MAP7D2: variants seen among roughly 807,000 people sequenced by gnomAD.
MAP7D2 encodes MAP7 domain-containing protein 2.
Under a neutral mutation model 63.5 loss-of-function variants are expected in MAP7D2, and 33 were observed. That is an observed-to-expected ratio of 0.52 (90% CI 0.39 to 0.70). The LOEUF is 0.70. Among genes scored for constraint, MAP7D2 ranks in the 30% least tolerant of loss-of-function variants. The pLI is 0.00. For missense variants in MAP7D2, 626 were observed against 604.0 expected, an observed-to-expected ratio of 1.04 and a Z score of -0.38; for synonymous variants, 224 against 223.7, an observed-to-expected ratio of 1.00 and a Z score of -0.01.
At chrX:20,081,580 C>T (rs1254296616) in intron 1 of MAP7D2, among the ~76,000 whole-genome samples, 1 of 111,731 alleles carries the variant, frequency 9.0e-6, no homozygotes, top group African/African-American at 3.3e-5. Flanking sequence ...CCCTTCAGAC[C>T]CCTTCCCTGA....
intron 1 of MAP7D2, among the ~76,000 whole-genome samples, chrX:20,111,055 C>T (rs1016985777): frequency 1.8e-5 from 2 of 111,572 alleles, no homozygotes; most frequent in Non-Finnish European, 3.8e-5. Flanking sequence ...ACAGCAGCCA[C>T]GCTGTTAGAA....
At chrX:20,031,773 A>G (rs1232258959) in intron 8 of MAP7D2, among the ~76,000 whole-genome samples, 1 of 111,863 alleles carries the variant, frequency 8.9e-6, no homozygotes, top group Admixed American at 9.5e-5. Flanking sequence ...TCTCAAAAAA[A>G]CCCAGAATCT....
chrX:20,013,639 A>G lies in MAP7D2; in HGVS notation c.1750-14T>C, dbSNP rs1354133815. On this transcript the variant is annotated splice_polypyrimidine_tract_variant and intron_variant, in intron 12 of 16. Transcript: ENST00000379643. ...TTCATCTATTCTCTAAAAACAAAAA[A>G]CAAAAAACAAAATCAAGTAAGAGGA... is the stretch of plus-strand genomic sequence containing the variant. The G allele has an allele frequency of 1.8e-6, 2 of 1,129,128 alleles. No homozygotes were observed. Among genetic ancestry groups the G allele is most frequent in the Non-Finnish European group, 2.4e-6 (2 of 829,514 alleles). 93.1% of individuals were successfully genotyped at this position (1,129,128 alleles called of 1,213,427 possible).
At position 20,006,950 on chromosome X, in the gene MAP7D2, G is replaced by A. The variant is rs1603344540; in HGVS notation, c.*1475C>T. The A allele has an allele frequency of 8.9e-6, 1 of 112,323 alleles. No homozygotes were observed. Among genetic ancestry groups the A allele is most frequent in the Non-Finnish European group, 1.9e-5 (1 of 53,308 alleles). The allele number at this position is 112,323 out of a possible 1,213,427, so 9.3% of individuals were successfully genotyped here. ...GCATCACCATGGTCACAATGGTGCT[G>A]TGAGGTACAACAAATCACAAGAAAA... On this transcript the variant is annotated 3_prime_UTR_variant, in exon 17 of 17. Transcript: ENST00000379643.
chrX:20,016,237 G>T lies in MAP7D2; in HGVS notation c.1501C>A (p.Arg501=), dbSNP rs757262581. Residue 501 remains arginine, a synonymous_variant, in exon 11 of 17, where the codon CGG becomes AGG. Coordinates refer to ENST00000379643, the MANE Select transcript of MAP7D2 (RefSeq NM_001168465.2). ...TGTTTTTTCTTTTCCTCTTCCTGCC[G>T]CTTCCTTTCTTCTTCCTGCTTTCGG... ...EARKQEEERK[R]QEEEKKKQEG... is the part of the protein sequence containing the mutation. The T allele has an allele frequency of 8.3e-7, 1 of 1,204,929 alleles. No homozygotes were observed. The highest frequency in any genetic ancestry group is 1.1e-6 in the Non-Finnish European group (1 of 893,057).
chrX:20,020,530 A>G (rs1184811763), intron 10 of MAP7D2, among the ~76,000 whole-genome samples: 1 of 112,014 alleles, frequency 8.9e-6, no homozygotes, highest in Non-Finnish European at 1.9e-5. Flanking sequence ...TGTCTTATCA[A>G]AAGTCCTGCC....
chrX:20,087,498 A>G (rs1354416423), intron 1 of MAP7D2, among the ~76,000 whole-genome samples: 2 of 112,093 alleles, frequency 1.8e-5, no homozygotes, highest in Admixed American at 9.5e-5. Context: ...TGCTTCTTGC[A>G]GTCTGCAGAA....
In MAP7D2 at chrX:20,013,139, A is replaced by G; in HGVS notation, c.1807-7T>C. 1 of 1,187,513 alleles carries G rather than the reference A, an allele frequency of 8.4e-7. No homozygotes were observed. Among genetic ancestry groups the G allele is most frequent in the Non-Finnish European group, 1.1e-6 (1 of 875,205 alleles). On this transcript the variant is annotated splice_region_variant and splice_polypyrimidine_tract_variant and intron_variant, in intron 13 of 16. Transcript: ENST00000379643. The stretch of plus-strand genomic sequence containing the variant: ...CCACTTTGGGGTCTTCTTTCTGAAA[A>G]CAAATGGAAGGTGAATGAAATGAGG...
At chrX:20,019,043 T>C (rs1032337777) in intron 10 of MAP7D2, among the ~76,000 whole-genome samples, 10 of 109,758 alleles carry the variant, frequency 9.1e-5, no homozygotes, top group African/African-American at 3.0e-4. Context: ...TTTTTCTTTG[T>C]AGAGGCAGGG....
chrX:20,017,395 G>A, intron 10 of MAP7D2, among the ~76,000 whole-genome samples: 1 of 112,218 alleles, frequency 8.9e-6, no homozygotes, highest in Middle Eastern at 4.6e-3. Context: ...TCATTTGGAA[G>A]CATGTGCCAA....
chrX:20,008,052 T>C lies in MAP7D2; in HGVS notation c.*373A>G, dbSNP rs1315609432. ...TATTTTACAGGAAAAGACATCTAAA[T>C]GTTTATGTGCTCCAACTTTGGGAAT... On this transcript the variant is annotated 3_prime_UTR_variant, in exon 17 of 17. Coordinates refer to ENST00000379643, the MANE Select transcript of MAP7D2 (RefSeq NM_001168465.2). 1 of 112,195 alleles carries C rather than the reference T, an allele frequency of 8.9e-6. No individual in the cohort carries two copies. Among genetic ancestry groups the C allele is most frequent in the Admixed American group, 9.5e-5 (1 of 10,535 alleles). The allele number at this position is 112,195 out of a possible 1,213,427, so 9.2% of individuals were successfully genotyped here.
At chrX:20,099,350 C>G (rs987634406) in intron 1 of MAP7D2, among the ~76,000 whole-genome samples, 3 of 110,616 alleles carry the variant, frequency 2.7e-5, no homozygotes, top group African/African-American at 9.9e-5. Flanking sequence ...AGCCTAGAAA[C>G]CTTACAGCCC....
At chrX:20,023,162 G>A (rs765579924) in intron 10 of MAP7D2, among the ~76,000 whole-genome samples, 2 of 112,512 alleles carry the variant, frequency 1.8e-5, no homozygotes, top group Non-Finnish European at 3.8e-5. Context: ...CTTCAGAAAC[G>A]GACAATAAAA....
chrX:20,076,535 G>A (rs1226347961), intron 1 of MAP7D2, among the ~76,000 whole-genome samples: 3 of 110,039 alleles, frequency 2.7e-5, no homozygotes, highest in East Asian at 2.8e-4. Context: ...ACAAAACCCC[G>A]TCTCTACTAA....
In MAP7D2 at chrX:20,013,123, G is replaced by A; in HGVS notation, c.1816C>T (p.Pro606Ser). 8.3e-7 allele frequency: 1 copy of A among 1,205,051 alleles called. No homozygotes were observed. The highest frequency in any genetic ancestry group is 1.8e-5 in the South Asian group (1 of 55,988). The change falls in exon 14 of 17, where the codon CCC becomes TCC. Residue 606 changes from proline to serine, a missense_variant. By Grantham distance (74) the Pro-to-Ser change is moderately conservative (BLOSUM62 -1). Transcript: ENST00000379643. ...DVSPQVKKED[P>S]KVGVQPAVCV... ...ACAGCAGGCTGGACCCCCACTTTGG[G>A]GTCTTCTTTCTGAAAACAAATGGAA...
intron 1 of MAP7D2, chrX:20,116,542 C>T: frequency 1.1e-6 from 1 of 931,299 alleles, no homozygotes; most frequent in East Asian, 4.8e-5. Context: ...CAGGTCGCCC[C>T]AAGAAAGAAC....
At chrX:20,031,582 C>T (rs558898188) in intron 8 of MAP7D2, among the ~76,000 whole-genome samples, 1 of 110,881 alleles carries the variant, frequency 9.0e-6, no homozygotes, top group African/African-American at 3.3e-5. Flanking sequence ...GCCTGGCCAA[C>T]ATGGTGAAAC....
intron 1 of MAP7D2, among the ~76,000 whole-genome samples, chrX:20,087,142 G>A (rs1324585048): frequency 1.8e-5 from 2 of 112,007 alleles, no homozygotes; most frequent in East Asian, 5.6e-4. Context: ...TTGTCTTAAA[G>A]GCATGATTTA....
At chrX:20,070,310 A>T (rs1310669635) in intron 1 of MAP7D2, among the ~76,000 whole-genome samples, 1 of 106,940 alleles carries the variant, frequency 9.4e-6, no homozygotes, top group East Asian at 2.9e-4. Flanking sequence ...ATTTGTAGAG[A>T]TGCAGTCTCA....
Sources: gnomAD v4.1 joint callset for allele counts (sites outside exome capture counted in the v4.1 genomes callset) on GRCh38, gnomAD v4.1.1 for gene constraint, MANE v1.5 for transcripts, NCBI Gene and HGNC (gene_info 2026-07-23, HGNC 2026-07-21) for gene names.